The following COL21A1 variants were observed in gnomAD, a reference collection of about 807,000 sequenced individuals.
The protein encoded by COL21A1 is collagen type XXI alpha 1 chain, also known as collagen alpha-1(XXI) chain.
A neutral mutation model predicts 137.9 loss-of-function variants in COL21A1; 149 were observed. The ratio of observed to expected loss-of-function variants is 1.08; its 90% CI spans 0.95 to 1.24. The LOEUF (loss-of-function observed/expected upper bound fraction) is 1.24. COL21A1 is among the 50% of genes most tolerant of loss of function. The pLI is 0.00. For synonymous variants in COL21A1, 456 were observed against 391.5 expected (o/e 1.16, Z -1.95); for missense variants, 1,167 against 1,158.4 (o/e 1.01, Z -0.11).
intron 23 of COL21A1, 96 bp downstream of exon 23, chr6:56,067,199 A>T: frequency 2.0e-6 from 2 of 1,004,976 alleles, no homozygotes; most frequent in Non-Finnish European, 1.4e-6. Context: ...ACTTTATATT[A>T]ATGTTGAAAC....
intron 1 of COL21A1, among the ~76,000 whole-genome samples, chr6:56,218,292 T>C (rs922322373): frequency 6.3e-5 from 8 of 127,982 alleles, no homozygotes; most frequent in African/African-American, 2.4e-4. Context: ...AGTATATGGC[T>C]TTGTAAAAAA....
Position 56,168,203 on chromosome 6 carries a change from G to A in COL21A1, c.1121C>T (p.Pro374Leu). ...YIDDQQIENK[P>L]LHPVLGILIN... is the part of the protein sequence containing the mutation. Reference sequence around the variant, plus strand: ...CAAGATCCCTAAAACTGGATGTAAGGGCTTGTTTTCAATTTGTTGGTCATC... The same window carrying A: ...CAAGATCCCTAAAACTGGATGTAAGAGCTTGTTTTCAATTTGTTGGTCATC... Residue 374 changes from proline to leucine, a missense_variant, in exon 6 of 30, where the codon CCC (proline) becomes CTC (leucine). Pro to Leu is a moderately conservative substitution (Grantham distance 98). Transcript: ENST00000244728. The A allele has an allele frequency of 1.3e-6, 2 of 1,565,046 alleles. No homozygotes were observed. Among genetic ancestry groups the A allele is most frequent in the East Asian group, 2.3e-5 (1 of 43,638 alleles).
At chr6:56,271,885 T>C (rs1763534928) in intron 1 of COL21A1, among the ~76,000 whole-genome samples, 1 of 151,916 alleles carries the variant, frequency 6.6e-6, no homozygotes, top group African/African-American at 2.4e-5. Flanking sequence ...GTTGGGACTG[T>C]GGGTGTACAA....
At chr6:56,267,237 G>A (rs942206835) in intron 1 of COL21A1, among the ~76,000 whole-genome samples, 7 of 152,214 alleles carry the variant, frequency 4.6e-5, no homozygotes, top group African/African-American at 1.4e-4. Context: ...GTGTACAGCA[G>A]AGTCTGTCCT....
At chr6:56,200,786 C>T (rs1026383596) in intron 1 of COL21A1, among the ~76,000 whole-genome samples, 1 of 151,956 alleles carries the variant, frequency 6.6e-6, no homozygotes, top group Non-Finnish European at 1.5e-5. Context: ...GTCTTTATAG[C>T]AGCATGATTT....
intron 1 of COL21A1, among the ~76,000 whole-genome samples, chr6:56,334,945 T>C (rs966642287): frequency 6.6e-5 from 10 of 152,182 alleles, no homozygotes; most frequent in Non-Finnish European, 2.9e-5. Context: ...GCTGGCACCA[T>C]GTTCTTGAAC....
intron 1 of COL21A1, among the ~76,000 whole-genome samples, chr6:56,191,052 G>T (rs1417538415): frequency 6.6e-6 from 1 of 152,190 alleles, no homozygotes; most frequent in African/African-American, 2.4e-5. Context: ...CACAAGACAA[G>T]GATGCCCTCT....
intron 1 of COL21A1, among the ~76,000 whole-genome samples, chr6:56,207,967 C>T (rs1255634047): frequency 4.6e-5 from 7 of 151,982 alleles, no homozygotes; most frequent in South Asian, 4.1e-4. Flanking sequence ...AAAAGGCCTT[C>T]GACAAAATTC....
intron 1 of COL21A1, among the ~76,000 whole-genome samples, chr6:56,209,924 C>T (rs9464362): frequency 0.022 from 3,316 of 152,234 alleles, 121 homozygotes; most frequent in African/African-American, 0.076. Flanking sequence ...GGCACATATA[C>T]ACCATGGAAT....
chr6:56,203,074 C>T (rs926335978), intron 1 of COL21A1, among the ~76,000 whole-genome samples: 3 of 152,040 alleles, frequency 2.0e-5, no homozygotes, highest in African/African-American at 7.2e-5. Flanking sequence ...TTAATTTTGA[C>T]AATAAAATAT....
intron 1 of COL21A1, among the ~76,000 whole-genome samples, chr6:56,187,653 C>T (rs766257966): frequency 3.3e-5 from 5 of 152,200 alleles, no homozygotes; most frequent in Admixed American, 6.5e-5. Context: ...TGAACCTGGA[C>T]TCCTACCTCA....
chr6:56,278,220 G>A (rs9370503), intron 1 of COL21A1, among the ~76,000 whole-genome samples: 35,544 of 152,018 alleles, frequency 0.23, 4,509 homozygotes, highest in Non-Finnish European at 0.29. Flanking sequence ...CATTAGACCC[G>A]CTTTATTCAG....
intron 1 of COL21A1, among the ~76,000 whole-genome samples, chr6:56,306,782 A>G (rs1764471437): frequency 6.6e-6 from 1 of 151,652 alleles, no homozygotes; most frequent in African/African-American, 2.4e-5. Flanking sequence ...GCATTCCTTT[A>G]GAGGAGGAGA....
Position 56,164,809 on chromosome 6 carries a change from C to A in COL21A1, c.1287+5G>T. ...CTTAAGGGGAACAATAGTATCCAAGCCTACCTCTCCATTCTGAAAGAAAAA... is the reference window on the plus strand; with the variant it reads ...CTTAAGGGGAACAATAGTATCCAAGACTACCTCTCCATTCTGAAAGAAAAA... On this transcript the variant is annotated splice_donor_5th_base_variant and intron_variant, in intron 8 of 29. Coordinates refer to ENST00000244728, the MANE Select transcript of COL21A1 (RefSeq NM_030820.4). 1.3e-6 allele frequency: 2 copies of A among 1,566,644 alleles called. No individual in the cohort carries two copies. The highest frequency in any genetic ancestry group is 1.2e-5 in the South Asian group (1 of 83,608).
chr6:56,315,520 C>T (rs1294312721), intron 1 of COL21A1, among the ~76,000 whole-genome samples: 3 of 152,030 alleles, frequency 2.0e-5, no homozygotes, highest in Non-Finnish European at 4.4e-5. Flanking sequence ...CAGAAAGGCC[C>T]ATCTTTAGAT....
At chr6:56,205,423 C>G (rs1175205529) in intron 1 of COL21A1, among the ~76,000 whole-genome samples, 2 of 151,760 alleles carry the variant, frequency 1.3e-5, no homozygotes, top group African/African-American at 4.8e-5. Context: ...AGCGAGAAGA[C>G]AAGATTAGAG....
At chr6:56,279,657 T>A (rs1376666411) in intron 1 of COL21A1, among the ~76,000 whole-genome samples, 5 of 152,230 alleles carry the variant, frequency 3.3e-5, no homozygotes, top group African/African-American at 1.2e-4. Context: ...GCTGCATTCA[T>A]TTAATCACTT....
At chr6:56,290,427 C>T (rs1764011540) in intron 1 of COL21A1, among the ~76,000 whole-genome samples, 1 of 151,612 alleles carries the variant, frequency 6.6e-6, no homozygotes, top group South Asian at 2.1e-4. Flanking sequence ...GACAAATTTG[C>T]CCCCAGATTG....
In COL21A1 at chr6:56,114,757, C is replaced by T. The variant is rs1771764713; in HGVS notation, c.1758+9305G>A. On this transcript the variant is annotated intron_variant, in intron 16 of 29. Coordinates refer to ENST00000244728, the MANE Select transcript of COL21A1 (RefSeq NM_030820.4). ...AAACTAGTTCAACCATTGTGGAAGT[C>T]AGTGTGGCGATTCCTCAGGGATCTA... 4.0e-5 allele frequency among the ~76,000 whole-genome samples: 6 copies of T among 148,902 alleles called. No individual in the cohort carries two copies. In the South Asian group the frequency reaches 1.3e-3, roughly 33 times the overall value.
Sources: gnomAD v4.1 joint callset for allele counts (sites outside exome capture counted in the v4.1 genomes callset) on GRCh38, gnomAD v4.1.1 for gene constraint, MANE v1.5 for transcripts, NCBI Gene and HGNC (gene_info 2026-07-23, HGNC 2026-07-21) for gene names.